The following DLGAP2 variants were observed in gnomAD, a reference collection of about 807,000 sequenced individuals.
DLGAP2 encodes the protein DLG associated protein 2.
DLGAP2 carries 26 observed loss-of-function variants against 100.3 expected under a neutral mutation model. That is an observed-to-expected ratio of 0.26 (90% CI 0.19 to 0.36). The LOEUF (loss-of-function observed/expected upper bound fraction) is 0.36. Among genes scored for constraint, DLGAP2 ranks in the 10% least tolerant of loss-of-function variants. The pLI, the probability that DLGAP2 is intolerant of heterozygous loss-of-function variation, is 1.00. For missense variants in DLGAP2, 1,858 were observed against 1,453.2 expected (o/e 1.28, Z -4.53); for synonymous variants, 886 against 630.1 (o/e 1.41, Z -6.08).
intron 8 of DLGAP2, among the ~76,000 whole-genome samples, chr8:1,655,601 A>T (rs1056574644): frequency 1.4e-5 from 2 of 144,956 alleles, no homozygotes; most frequent in African/African-American, 5.1e-5. Context: ...AGGATAATTA[A>T]ACATGTGTTT....
In DLGAP2 at chr8:1,147,213, T is replaced by C. The variant is rs189269602; in HGVS notation, c.74-111638T>C. Among the ~76,000 whole-genome samples the C allele has an allele frequency of 1.2e-4, 18 of 152,332 alleles. 1 individual carries two copies. The highest frequency in any genetic ancestry group is 1.9e-4 in the East Asian group (1 of 5,188). On this transcript the variant is annotated intron_variant, in intron 2 of 14. Transcript: ENST00000637795. Reference sequence around the variant, plus strand: ...TTGTGCATCTTCCTTAGATTTATCATAGGTATTCGATATTTCCTCATGCTA... The same window carrying C: ...TTGTGCATCTTCCTTAGATTTATCACAGGTATTCGATATTTCCTCATGCTA...
intron 9 of DLGAP2, among the ~76,000 whole-genome samples, chr8:1,669,027 AG>A (rs560983245): frequency 1.9e-4 from 29 of 152,338 alleles, no homozygotes; most frequent in African/African-American, 7.0e-4. Context: ...GATGCTTTAA[AG>A]GGGAGGGTTT....
intron 2 of DLGAP2, among the ~76,000 whole-genome samples, chr8:918,989 G>A (rs989521355): frequency 1.3e-5 from 2 of 152,146 alleles, no homozygotes; most frequent in African/African-American, 4.8e-5. Flanking sequence ...TGCCCAGGCT[G>A]GAGTGCAGTG....
At chr8:741,176 A>T (rs1017932574) in intron 1 of DLGAP2, among the ~76,000 whole-genome samples, 2 of 152,234 alleles carry the variant, frequency 1.3e-5, no homozygotes, top group Non-Finnish European at 2.9e-5. Context: ...ACGTGTGCTC[A>T]TGACAAAAGA....
At chr8:1,119,659 G>T (rs1050412127) in intron 2 of DLGAP2, among the ~76,000 whole-genome samples, 2 of 152,228 alleles carry the variant, frequency 1.3e-5, no homozygotes, top group Non-Finnish European at 2.9e-5. Flanking sequence ...TCAAGTGATG[G>T]CATGTGTGAG....
chr8:1,658,837 C>A (rs927700499), intron 8 of DLGAP2, among the ~76,000 whole-genome samples: 1 of 152,094 alleles, frequency 6.6e-6, no homozygotes, highest in African/African-American at 2.4e-5. Context: ...TCCTTCAGTT[C>A]TGCTGTGATC....
intron 2 of DLGAP2, among the ~76,000 whole-genome samples, chr8:1,096,711 G>A (rs1370230940): frequency 1.4e-5 from 2 of 144,130 alleles, no homozygotes; most frequent in African/African-American, 2.7e-5. Context: ...GTCCCCTCCA[G>A]CGTGAGACCC....
At chr8:1,001,739 C>T (rs892137550) in intron 2 of DLGAP2, among the ~76,000 whole-genome samples, 6 of 152,262 alleles carry the variant, frequency 3.9e-5, no homozygotes, top group Middle Eastern at 3.4e-3. Context: ...ATTGCTGTAA[C>T]GTACACACAC....
intron 2 of DLGAP2, among the ~76,000 whole-genome samples, chr8:1,112,928 C>T (rs1021335758): frequency 6.6e-6 from 1 of 152,194 alleles, no homozygotes; most frequent in Admixed American, 6.5e-5. Flanking sequence ...GTATGACTAG[C>T]CGGTTATCCC....
At chr8:833,457 T>A (rs1796817767) in intron 1 of DLGAP2, among the ~76,000 whole-genome samples, 1 of 152,180 alleles carries the variant, frequency 6.6e-6, no homozygotes, top group Non-Finnish European at 1.5e-5. Flanking sequence ...CTTTGGAGGG[T>A]CCTGCCTGCC....
chr8:1,389,965 C>G (rs1247567088), intron 3 of DLGAP2, among the ~76,000 whole-genome samples: 1 of 152,100 alleles, frequency 6.6e-6, no homozygotes. Flanking sequence ...CTCCCTCACA[C>G]GTGAACAGGA....
At chr8:1,050,050 A>G (rs1355466512) in intron 2 of DLGAP2, among the ~76,000 whole-genome samples, 1 of 152,246 alleles carries the variant, frequency 6.6e-6, no homozygotes, top group Admixed American at 6.5e-5. Flanking sequence ...ATGCTGTCAC[A>G]CACATGTACA....
intron 3 of DLGAP2, among the ~76,000 whole-genome samples, chr8:1,292,666 G>A (rs1269342870): frequency 1.3e-5 from 2 of 152,122 alleles, no homozygotes; most frequent in African/African-American, 4.8e-5. Flanking sequence ...TCCGTCGCTC[G>A]GACGCTTTGT....
At chr8:1,277,516 A>C (rs192840719) in intron 3 of DLGAP2, among the ~76,000 whole-genome samples, 1 of 152,324 alleles carries the variant, frequency 6.6e-6, no homozygotes, top group East Asian at 1.9e-4. Flanking sequence ...TAGAAAAAAA[A>C]ATGATTATGA....
intron 3 of DLGAP2, among the ~76,000 whole-genome samples, chr8:1,440,892 C>A (rs1392781127): frequency 2.6e-5 from 4 of 152,196 alleles, no homozygotes; most frequent in Non-Finnish European, 1.5e-5. Flanking sequence ...CTGCTACTTT[C>A]ATGCCAAGTT....
intron 1 of DLGAP2, among the ~76,000 whole-genome samples, chr8:771,375 C>A (rs533071485): frequency 2.6e-5 from 4 of 152,328 alleles, no homozygotes; most frequent in Non-Finnish European, 5.9e-5. Context: ...TTAGGTAGAT[C>A]TCCCTTATTA....
At chr8:848,216 T>C (rs1797106118) in intron 1 of DLGAP2, among the ~76,000 whole-genome samples, 1 of 152,252 alleles carries the variant, frequency 6.6e-6, no homozygotes, top group South Asian at 2.1e-4. Flanking sequence ...TATATTGCTA[T>C]ATGAATCAAT....
intron 12 of DLGAP2, among the ~76,000 whole-genome samples, chr8:1,682,013 G>T (rs1016432449): frequency 6.6e-6 from 1 of 152,164 alleles, no homozygotes; most frequent in East Asian, 1.9e-4. Flanking sequence ...TTCCACCCAC[G>T]GTCCAAAGGC....
At chr8:899,058 T>C (rs551195381) in intron 1 of DLGAP2, among the ~76,000 whole-genome samples, 1 of 152,330 alleles carries the variant, frequency 6.6e-6, no homozygotes, top group South Asian at 2.1e-4. Context: ...CTCTGACTCA[T>C]AGATAACAAC....
Sources: allele counts gnomAD v4.1 joint callset (sites outside exome capture counted in the v4.1 genomes callset), GRCh38; gene constraint gnomAD v4.1.1; transcripts MANE v1.5; gene names NCBI Gene and HGNC (gene_info 2026-07-23, HGNC 2026-07-21).